Variants in XPOT observed in about 807,000 individuals in gnomAD.
The protein encoded by XPOT is exportin-T.
In XPOT, 34 loss-of-function variants were observed where a neutral mutation model predicts 128.2. The ratio of observed to expected loss-of-function variants is 0.27; its 90% CI spans 0.20 to 0.35. The LOEUF is 0.35. Among genes scored for constraint, XPOT ranks in the 10% least tolerant of loss-of-function variants. The pLI is 1.00. For missense variants in XPOT, 838 were observed against 1,125.3 expected (o/e 0.74, Z 3.65); for synonymous variants, 348 against 394.3 (o/e 0.88, Z 1.39).
At chr12:64,445,244 C>T (rs1051252003) in intron 24 of XPOT, 113 bp downstream of exon 24, 1 of 777,636 alleles carries the variant, frequency 1.3e-6, no homozygotes, top group African/African-American at 1.7e-5. Flanking sequence ...TTTAACTAAG[C>T]TCTTGAAAAA....
chr12:64,442,087 G>A (rs2040329438), intron 23 of XPOT, among the ~76,000 whole-genome samples: 1 of 151,756 alleles, frequency 6.6e-6, no homozygotes, highest in Admixed American at 6.6e-5. Context: ...AGTGGGGGGG[G>A]GACCCTTTTA....
chr12:64,435,067 A>G (rs1458809145), intron 21 of XPOT, among the ~76,000 whole-genome samples, 158 bp downstream of exon 21: 1 of 151,854 alleles, frequency 6.6e-6, no homozygotes, highest in East Asian at 1.9e-4. Context: ...TACCTTCTGG[A>G]GTTTTTATGA....
intron 15 of XPOT, 102 bp from the exon 16 acceptor site, chr12:64,427,949 C>T: frequency 4.0e-6 from 3 of 749,686 alleles, no homozygotes; most frequent in South Asian, 1.6e-5. Context: ...GACTAGCCTA[C>T]AACTGAACTT....
Position 64,430,274 on chromosome 12 carries a change from G to A in XPOT, c.1963G>A (p.Val655Ile), listed in dbSNP as rs751085334. 1 of 1,577,438 alleles carries A rather than the reference G, an allele frequency of 6.3e-7. No individual in the cohort carries two copies. The highest frequency in any genetic ancestry group is 1.7e-4 in the Middle Eastern group (1 of 5,838). Residue 655 changes from valine to isoleucine, a missense_variant, in exon 17 of 25, where the codon GTT (valine) becomes ATT (isoleucine). Val to Ile is a conservative substitution (Grantham distance 29). Coordinates refer to ENST00000332707, the MANE Select transcript of XPOT (RefSeq NM_007235.6). ...TCTAGCAGACTGTCTTAACCATGCT[G>A]TTGGATTTGCAAGGTAAGTGTGATC... is the stretch of plus-strand genomic sequence containing the variant. ...ASLADCLNHAVGFASRTSKAF... is the reference protein window; with the variant it reads ...ASLADCLNHAIGFASRTSKAF...
chr12:64,450,453 C>A lies in XPOT; in HGVS notation c.*2322C>A, dbSNP rs1177883662. 6.6e-6 allele frequency: 1 copy of A among 152,138 alleles called. No individual in the cohort carries two copies. The highest frequency in any genetic ancestry group is 1.5e-5 in the Non-Finnish European group (1 of 68,024). 9.4% of individuals were successfully genotyped at this position (152,138 alleles called of 1,614,324 possible). On this transcript the variant is annotated 3_prime_UTR_variant, in exon 25 of 25. Transcript: ENST00000332707. ...AGCCACTGCACACGGCCTTACTATG[C>A]TATCAATTCCATATATGGAAAGGTG...
chr12:64,449,277 G>A lies in XPOT; in HGVS notation c.*1146G>A, dbSNP rs1313856549. 6.6e-6 allele frequency: 1 copy of A among 151,678 alleles called. No individual in the cohort carries two copies. Among genetic ancestry groups the A allele is most frequent in the Non-Finnish European group, 1.5e-5 (1 of 67,982 alleles). 9.4% of individuals were successfully genotyped at this position (151,678 alleles called of 1,614,324 possible). A position where few individuals can be genotyped will look rare whatever the true frequency, so the allele number is the denominator to read the frequency against. ...GTATTTAGAACACAGTATACCTATA[G>A]TATACCTATGTGTTTATTATGTTTG... On this transcript the variant is annotated 3_prime_UTR_variant, in exon 25 of 25. Transcript: ENST00000332707.
At chr12:64,406,898 C>T (rs1333248769) in intron 1 of XPOT, among the ~76,000 whole-genome samples, 4 of 152,120 alleles carry the variant, frequency 2.6e-5, no homozygotes, top group Admixed American at 2.0e-4. Context: ...TGCCCCAAGT[C>T]GTTTCCATTC....
rs1375798275 is a variant in XPOT, at chr12:64,425,879, A to G, written c.1637A>G (p.Tyr546Cys). ...SSAKVRSRTA[Y>C]LFSRFVKSLN... ...GCAAAAGTTCGGAGCAGGACGGCTT[A>G]CCTGTTTTCTAGATTTGTCAAATCT... The change falls in exon 15 of 25, where the codon TAC (tyrosine) becomes TGC (cysteine). Residue 546 changes from tyrosine (Y) to cysteine (C), a missense_variant. Transcript: ENST00000332707. The G allele has an allele frequency of 1.9e-6, 3 of 1,614,174 alleles. No individual in the cohort carries two copies. The highest frequency in any genetic ancestry group is 2.5e-6 in the Non-Finnish European group (3 of 1,180,022).
Position 64,418,966 on chromosome 12 carries a change from T to C in XPOT, c.361T>C (p.Trp121Arg). The change falls in exon 6 of 25, where the codon TGG (tryptophan) becomes CGG (arginine). Residue 121 changes from tryptophan to arginine, a missense_variant. Physicochemically the swap from Trp to Arg is moderately radical, Grantham distance 101 (BLOSUM62 -3). This residue lies in a region of XPOT where 761 missense variants were observed against 988.3 expected (regional missense o/e 0.77). Transcript: ENST00000332707. Reference protein sequence around the residue: ...LLFVTEYLTKWPKFFFDILSV... With the variant: ...LLFVTEYLTKRPKFFFDILSV... Reference sequence around the variant, plus strand: ...TTTTGTTACAGAGTATCTCACTAAGTGGCCCAAGTTTTTTTTTGACATTCT... The same window carrying C: ...TTTTGTTACAGAGTATCTCACTAAGCGGCCCAAGTTTTTTTTTGACATTCT... 1 of 1,614,116 alleles carries C rather than the reference T, an allele frequency of 6.2e-7. No individual in the cohort carries two copies.
chr12:64,406,641 G>A (rs1224560440), intron 1 of XPOT, among the ~76,000 whole-genome samples: 1 of 152,086 alleles, frequency 6.6e-6, no homozygotes, highest in Non-Finnish European at 1.5e-5. Flanking sequence ...CTTCCTTAGT[G>A]CTGGGATTAT....
intron 17 of XPOT, among the ~76,000 whole-genome samples, chr12:64,430,940 T>TC (rs1333183849): frequency 6.6e-6 from 1 of 152,130 alleles, no homozygotes; most frequent in Non-Finnish European, 1.5e-5. Context: ...CTCTTTTTTT[T>TC]CTTTTTTCTT....
chr12:64,433,986 G>A (rs1338926989), intron 19 of XPOT, among the ~76,000 whole-genome samples: 1 of 152,012 alleles, frequency 6.6e-6, no homozygotes, highest in Non-Finnish European at 1.5e-5. Context: ...AGATACCAGG[G>A]GCAAACTGAT....
At chr12:64,421,566 C>T in intron 9 of XPOT, 95 bp downstream of exon 9, 1 of 762,970 alleles carries the variant, frequency 1.3e-6, no homozygotes, top group Non-Finnish European at 2.2e-6. Flanking sequence ...AGAAAATACC[C>T]ATAATTCTAC....
chr12:64,429,513 G>A (rs1413456045), intron 16 of XPOT, among the ~76,000 whole-genome samples: 1 of 150,236 alleles, frequency 6.7e-6, no homozygotes, highest in Admixed American at 6.7e-5. Flanking sequence ...GCATGGTCTT[G>A]ACTCACTACA....
chr12:64,439,212 G>T, intron 22 of XPOT, 32 bp from the exon 23 acceptor site: 1 of 1,598,000 alleles, frequency 6.3e-7, no homozygotes, highest in Non-Finnish European at 8.6e-7. Context: ...TGTCAAGCAA[G>T]AAAATAGTTG....
At chr12:64,416,792 G>C (rs765453132) in intron 4 of XPOT, 38 bp downstream of exon 4, 1 of 1,534,318 alleles carries the variant, frequency 6.5e-7, no homozygotes, top group Non-Finnish European at 8.9e-7. Flanking sequence ...AGATTTGCGG[G>C]GAGAGGTCAT....
At position 64,431,620 on chromosome 12, in the gene XPOT, T is replaced by C. The variant is rs1306251174; in HGVS notation, c.2059T>C (p.Phe687Leu). 3 of 1,613,844 alleles carry C rather than the reference T, an allele frequency of 1.9e-6. No homozygotes were observed. The highest frequency in any genetic ancestry group is 2.5e-6 in the Non-Finnish European group (3 of 1,179,866). Reference sequence around the variant, plus strand: ...AGTTTATCTGGACTGTTTACAGACATTCTTGCCAGCCCTCAGTTGTCCCTT... The same window carrying C: ...AGTTTATCTGGACTGTTTACAGACACTCTTGCCAGCCCTCAGTTGTCCCTT... ...SEVYLDCLQT[F>L]LPALSCPLQK... Residue 687 changes from phenylalanine to leucine, a missense_variant, in exon 18 of 25, where the codon TTC becomes CTC. By Grantham distance (22) the Phe-to-Leu change is conservative (BLOSUM62 0). Transcript: ENST00000332707.
At chr12:64,427,040 A>G (rs1217026966) in intron 15 of XPOT, among the ~76,000 whole-genome samples, 2 of 151,890 alleles carry the variant, frequency 1.3e-5, no homozygotes, top group Non-Finnish European at 2.9e-5. Context: ...ATTATTTTCC[A>G]AGAGCCTATG....
chr12:64,423,809 A>G (rs1389785990), intron 11 of XPOT, among the ~76,000 whole-genome samples: 2 of 152,102 alleles, frequency 1.3e-5, no homozygotes. Context: ...AAATATTGAT[A>G]ATATTATTGG....
Sources: gnomAD v4.1 joint callset for allele counts (sites outside exome capture counted in the v4.1 genomes callset) on GRCh38, gnomAD v4.1.1 for gene constraint, gnomAD v4.1.1 regional missense constraint, MANE v1.5 for transcripts, NCBI Gene and HGNC (gene_info 2026-07-23, HGNC 2026-07-21) for gene names.